The following DOCK3 variants were observed in gnomAD, a reference collection of about 807,000 sequenced individuals.
The protein encoded by DOCK3 is dedicator of cytokinesis protein 3.
In DOCK3, 60 loss-of-function variants were observed where a neutral mutation model predicts 265.6. The ratio of observed to expected loss-of-function variants is 0.23; its 90% confidence interval spans 0.18 to 0.28. The LOEUF (loss-of-function observed/expected upper bound fraction) is 0.28, where lower values mean the gene tolerates loss of function less well. Ranked by LOEUF, DOCK3 falls within the 10% of genes least tolerant of loss-of-function variation. The pLI, the probability that DOCK3 is intolerant of heterozygous loss-of-function variation, is 1.00. For missense variants in DOCK3, 1,981 were observed against 2,594.3 expected (o/e 0.76, Z 5.14); for synonymous variants, 881 against 938.0 (o/e 0.94, Z 1.11).
intron 5 of DOCK3, among the ~76,000 whole-genome samples, chr3:51,021,930 G>T (rs1575797962): frequency 6.6e-6 from 1 of 151,882 alleles, no homozygotes; most frequent in East Asian, 1.9e-4. Context: ...CTAAGTGCTG[G>T]GATTACAGGT....
chr3:51,097,961 A>C (rs959944456), intron 9 of DOCK3, among the ~76,000 whole-genome samples: 2 of 152,006 alleles, frequency 1.3e-5, no homozygotes, highest in Non-Finnish European at 2.9e-5. Context: ...AACCAGCCCC[A>C]ATGAGATGAG....
At chr3:51,119,322 A>G (rs1035339459) in intron 9 of DOCK3, among the ~76,000 whole-genome samples, 4 of 152,154 alleles carry the variant, frequency 2.6e-5, no homozygotes, top group African/African-American at 7.2e-5. Flanking sequence ...TACGGTTTCT[A>G]CAGAGAGATC....
chr3:51,129,153 A>G (rs2084397800), intron 9 of DOCK3, among the ~76,000 whole-genome samples: 2 of 152,254 alleles, frequency 1.3e-5, no homozygotes, highest in South Asian at 4.1e-4. Context: ...ATATAATTGC[A>G]CATCTGGCCA....
At chr3:51,074,119 C>T (rs1290991653) in intron 6 of DOCK3, among the ~76,000 whole-genome samples, 1 of 152,174 alleles carries the variant, frequency 6.6e-6, no homozygotes, top group African/African-American at 2.4e-5. Context: ...TCTATAATCC[C>T]ATGGAATGCT....
chr3:50,913,103 T>TGACATAGTA (rs1007577115), intron 4 of DOCK3, among the ~76,000 whole-genome samples: 1 of 152,130 alleles, frequency 6.6e-6, no homozygotes, highest in African/African-American at 2.4e-5. Context: ...CCAAGGCCCT[T>TGACATAGTA]GACATAGTAC....
chr3:51,103,898 A>G (rs190580617), intron 9 of DOCK3, among the ~76,000 whole-genome samples: 249 of 152,340 alleles, frequency 1.6e-3, no homozygotes, highest in African/African-American at 5.8e-3. Flanking sequence ...CTAGACAGCA[A>G]TATTTCTACC....
chr3:50,688,978 T>G (rs2035029393), intron 1 of DOCK3, among the ~76,000 whole-genome samples: 1 of 152,128 alleles, frequency 6.6e-6, no homozygotes, highest in Non-Finnish European at 1.5e-5. Context: ...GGACTGTAAA[T>G]AAAATAATGC....
chr3:50,697,166 A>C (rs1201122071), intron 1 of DOCK3, among the ~76,000 whole-genome samples: 1 of 151,956 alleles, frequency 6.6e-6, no homozygotes, highest in South Asian at 2.1e-4. Flanking sequence ...CCTGACCTCA[A>C]GTGATCCACC....
intron 7 of DOCK3, among the ~76,000 whole-genome samples, chr3:51,076,577 A>C (rs1267236710): frequency 1.3e-5 from 2 of 152,196 alleles, no homozygotes. Flanking sequence ...TTTGCATACA[A>C]AGTTTTATAA....
At chr3:50,923,344 G>A (rs1161418580) in intron 4 of DOCK3, among the ~76,000 whole-genome samples, 3 of 152,230 alleles carry the variant, frequency 2.0e-5, no homozygotes, top group Non-Finnish European at 4.4e-5. Context: ...GACACTCCAC[G>A]CTATTTTCCA....
At chr3:50,805,628 C>T (rs2043363549) in intron 2 of DOCK3, among the ~76,000 whole-genome samples, 1 of 152,174 alleles carries the variant, frequency 6.6e-6, no homozygotes, top group Non-Finnish European at 1.5e-5. Flanking sequence ...GACTTCTTGA[C>T]TGACCTGTGG....
At chr3:50,984,499 G>A (rs915989237) in intron 5 of DOCK3, among the ~76,000 whole-genome samples, 1 of 152,160 alleles carries the variant, frequency 6.6e-6, no homozygotes, top group Non-Finnish European at 1.5e-5. Context: ...GCTTCATATA[G>A]TACTTTTGGC....
At chr3:50,676,912 TTTC>T (rs1449481859) in intron 1 of DOCK3, among the ~76,000 whole-genome samples, 9 of 152,198 alleles carry the variant, frequency 5.9e-5, no homozygotes, top group Non-Finnish European at 7.3e-5. Flanking sequence ...TGCTTAATAG[TTTC>T]TTCTTTTCCC....
intron 4 of DOCK3, chr3:50,900,741 G>T: frequency 2.2e-6 from 1 of 449,812 alleles, no homozygotes; most frequent in Non-Finnish European, 4.4e-6. Context: ...CTCCTCTGCT[G>T]CAGGTCTGCT....
chr3:51,012,651 G>A (rs140988868), intron 5 of DOCK3, among the ~76,000 whole-genome samples: 1 of 150,584 alleles, frequency 6.6e-6, no homozygotes, highest in Admixed American at 6.6e-5. Context: ...TGCACCCACT[G>A]TCCTGCACCC....
At chr3:51,217,042 CATG>C (rs2089829220) in intron 14 of DOCK3, among the ~76,000 whole-genome samples, 1 of 152,146 alleles carries the variant, frequency 6.6e-6, no homozygotes, top group African/African-American at 2.4e-5. Flanking sequence ...ACCATGATAG[CATG>C]ATAAGTCTGA....
At chr3:51,090,598 A>G (rs1216405857) in intron 9 of DOCK3, among the ~76,000 whole-genome samples, 1 of 152,198 alleles carries the variant, frequency 6.6e-6, no homozygotes, top group Admixed American at 6.5e-5. Context: ...GACTTTTTCC[A>G]CATAGAAGCT....
In DOCK3 at chr3:51,270,857, C is replaced by T. The variant is rs1450464667; in HGVS notation, c.2398C>T (p.Leu800=). Residue 800 remains leucine (L), a synonymous_variant, in exon 24 of 53, where the codon CTG becomes TTG. Coordinates refer to ENST00000266037, the MANE Select transcript of DOCK3 (RefSeq NM_004947.5). ...NSFPTIFDEL[L]QMFTVQEVAE... ...TTTCCCAACCATCTTTGATGAGCTT[C>T]TGCAAATGTTCACCGTGCAAGAGGT... 1.9e-6 allele frequency: 3 copies of T among 1,614,014 alleles called. No individual in the cohort carries two copies. The South Asian group carries it at 3.3e-5, about 18-fold the overall frequency.
chr3:51,380,904 C>G (rs2088577364), intron 52 of DOCK3, 146 bp from the exon 53 acceptor site: 1 of 1,063,144 alleles, frequency 9.4e-7, no homozygotes, highest in East Asian at 2.5e-5. Context: ...GTGGGAGGAG[C>G]TGGGAGCTTG....
Sources: gnomAD v4.1 joint callset for allele counts (sites outside exome capture counted in the v4.1 genomes callset) on GRCh38, gnomAD v4.1.1 for gene constraint, MANE v1.5 for transcripts, NCBI Gene and HGNC (gene_info 2026-07-23, HGNC 2026-07-21) for gene names.